ELF5: variants seen among roughly 807,000 people sequenced by gnomAD.
ELF5 encodes ETS-related transcription factor Elf-5.
ELF5 carries 31 observed loss-of-function variants against 38.2 expected under a neutral mutation model. The ratio of observed to expected loss-of-function variants is 0.81; its 90% confidence interval spans 0.61 to 1.10. The LOEUF is 1.10. Ranked by LOEUF, ELF5 falls within the 50% of genes least tolerant of loss-of-function variation. The pLI is 0.00. For synonymous variants in ELF5, 121 were observed against 112.5 expected (o/e 1.08, Z -0.48); for missense variants, 300 against 306.6 (o/e 0.98, Z 0.16).
At chr11:34,484,903 A>G (rs1218014165) in intron 4 of ELF5, among the ~76,000 whole-genome samples, 1 of 151,970 alleles carries the variant, frequency 6.6e-6, no homozygotes, top group African/African-American at 2.4e-5. Context: ...CTCTCACAAG[A>G]CCTCTTCAGG....
chr11:34,504,675 A>T (rs570535819), intron 2 of ELF5, among the ~76,000 whole-genome samples: 7 of 152,316 alleles, frequency 4.6e-5, no homozygotes, highest in African/African-American at 1.7e-4. Context: ...ACCGCTGAGC[A>T]GCGTGTGCTC....
intron 3 of ELF5, chr11:34,492,572 G>A (rs1016688391): frequency 1.3e-5 from 2 of 152,162 alleles, no homozygotes; most frequent in African/African-American, 4.8e-5. Context: ...TATGCCTCTT[G>A]ATTATATTAA....
chr11:34,488,352 G>A (rs1398284819), intron 4 of ELF5, among the ~76,000 whole-genome samples: 1 of 152,108 alleles, frequency 6.6e-6, no homozygotes, highest in African/African-American at 2.4e-5. Flanking sequence ...GGGAGCAAAG[G>A]CATGAAGGGC....
intron 3 of ELF5, chr11:34,491,973 C>T (rs1306851643): frequency 6.6e-6 from 1 of 152,184 alleles, no homozygotes; most frequent in East Asian, 1.9e-4. Context: ...TGCACAAGAG[C>T]ATGGAGACAA....
chr11:34,500,058 T>A (rs545346749), intron 2 of ELF5, among the ~76,000 whole-genome samples: 1 of 149,728 alleles, frequency 6.7e-6, no homozygotes, highest in South Asian at 2.1e-4. Flanking sequence ...ATAAGTCACC[T>A]GTTATTGGTT....
chr11:34,492,393 A>G (rs1850201346), intron 3 of ELF5: 1 of 152,210 alleles, frequency 6.6e-6, no homozygotes, highest in Non-Finnish European at 1.5e-5. Flanking sequence ...AGGCGCTGTC[A>G]TATCCTCCTC....
intron 2 of ELF5, among the ~76,000 whole-genome samples, chr11:34,499,622 C>A (rs1850406838): frequency 6.6e-6 from 1 of 152,234 alleles, no homozygotes. Context: ...GAGCTTAGAG[C>A]TTTCAGTTAT....
In ELF5 at chr11:34,480,185, A is replaced by G; in HGVS notation, c.*33T>C. The G allele has an allele frequency of 1.3e-6, 2 of 1,558,704 alleles. No homozygotes were observed. The highest frequency in any genetic ancestry group is 2.3e-5 in the South Asian group (2 of 88,722). ...CAATCTGATTGTTTTAAAAGACAGA[A>G]ATCCATAAAATGAGCTTGATGCCTG... On this transcript the variant is annotated 3_prime_UTR_variant, in exon 7 of 7. Transcript: ENST00000257832.
At position 34,505,732 on chromosome 11, in the gene ELF5, T is replaced by C. The variant is rs748581817; in HGVS notation, c.18A>G (p.Thr6=). The change falls in exon 2 of 7, where the codon ACA becomes ACG. Residue 6 remains threonine (T), a synonymous_variant. Transcript: ENST00000257832. MLDSV[T]HSTFLPNASF... Reference sequence around the variant, plus strand: ...ATGCATTAGGCAGGAAGGTGCTGTGTGTCACCGAGTCCAACATTACCCTGC... The same window carrying C: ...ATGCATTAGGCAGGAAGGTGCTGTGCGTCACCGAGTCCAACATTACCCTGC... The C allele has an allele frequency of 1.2e-6, 2 of 1,613,846 alleles. No homozygotes were observed. The highest frequency in any genetic ancestry group is 2.2e-5 in the South Asian group (2 of 91,014).
In ELF5 at chr11:34,493,512, G is replaced by C. The variant is rs752213073; in HGVS notation, c.322C>G (p.Leu108Val). The C allele has an allele frequency of 6.2e-7, 1 of 1,614,074 alleles. No homozygotes were observed. The highest frequency in any genetic ancestry group is 1.1e-5 in the South Asian group (1 of 91,054). ...CGGATGTTCTGGAGGATGAAGTACA[G>C]GTACTCGCCGCAGAGGCCAGCTGCC... The part of the protein sequence containing the change: ...VEAAGLCGEY[L>V]YFILQNIRTQ... Residue 108 changes from leucine to valine, a missense_variant, in exon 3 of 7, where the codon CTG becomes GTG. Leu to Val is a conservative substitution (Grantham distance 32). Transcript: ENST00000257832.
intron 1 of ELF5, among the ~76,000 whole-genome samples, chr11:34,512,720 A>C (rs758091846): frequency 9.9e-5 from 15 of 152,274 alleles, no homozygotes; most frequent in Middle Eastern, 3.4e-3. Context: ...ACTTCTGAAA[A>C]AGGGAGATGA....
intron 2 of ELF5, among the ~76,000 whole-genome samples, chr11:34,496,424 G>A (rs946442134): frequency 2.0e-5 from 3 of 152,352 alleles, no homozygotes; most frequent in Non-Finnish European, 2.9e-5. Flanking sequence ...GGAGGAGAGT[G>A]GCAGAGCGGA....
chr11:34,511,504 G>T, intron 1 of ELF5: 2 of 1,614,052 alleles, frequency 1.2e-6, no homozygotes, highest in Non-Finnish European at 1.7e-6. Context: ...GTGGAATCAG[G>T]TGGGCTCACT....
At chr11:34,481,152 A>T (rs918856624) in intron 5 of ELF5, among the ~76,000 whole-genome samples, 185 bp from the exon 6 acceptor site, 1 of 151,948 alleles carries the variant, frequency 6.6e-6, no homozygotes, top group East Asian at 1.9e-4. Context: ...CCTCCCAAGT[A>T]GCTGGGATTA....
chr11:34,493,374 A>G, intron 3 of ELF5, 105 bp downstream of exon 3: 1 of 1,046,036 alleles, frequency 9.6e-7, no homozygotes, highest in Non-Finnish European at 1.4e-6. Flanking sequence ...AACTCCAGTT[A>G]GTAAAATTTT....
chr11:34,496,919 T>G (rs984200054), intron 2 of ELF5, among the ~76,000 whole-genome samples: 4 of 152,170 alleles, frequency 2.6e-5, no homozygotes, highest in African/African-American at 9.7e-5. Context: ...TCTTCTTGGT[T>G]GAGGAGGACC....
At chr11:34,485,040 A>G (rs1849949237) in intron 4 of ELF5, among the ~76,000 whole-genome samples, 1 of 152,060 alleles carries the variant, frequency 6.6e-6, no homozygotes, top group Admixed American at 6.6e-5. Context: ...TTTCTCCTCC[A>G]CTATCAGCTG....
At position 34,502,516 on chromosome 11, in the gene ELF5, T is replaced by C. The variant is rs78234957; in HGVS notation, c.121+3113A>G. 6.2e-3 allele frequency among the ~76,000 whole-genome samples: 945 copies of C among 152,344 alleles called. 10 individuals are homozygous for C. The highest frequency in any genetic ancestry group is 0.022 in the African/African-American group (911 of 41,578). ...ATAAAAGACAGAAGGCCCCTCCTGC[T>C]AATCCTCCCACCTGTGGAGGAGAGC... On this transcript the variant is annotated intron_variant, in intron 2 of 6. Coordinates refer to ENST00000257832, the MANE Select transcript of ELF5 (RefSeq NM_001422.4).
At chr11:34,495,992 T>G (rs568370945) in intron 2 of ELF5, among the ~76,000 whole-genome samples, 1 of 152,114 alleles carries the variant, frequency 6.6e-6, no homozygotes, top group African/African-American at 2.4e-5. Context: ...GCCATCGGTG[T>G]GCGGCCGTCG....
Sources: gnomAD v4.1 joint callset for allele counts (sites outside exome capture counted in the v4.1 genomes callset) on GRCh38, gnomAD v4.1.1 for gene constraint, MANE v1.5 for transcripts, NCBI Gene and HGNC (gene_info 2026-07-23, HGNC 2026-07-21) for gene names.